Variants in PIK3C2G observed in about 807,000 individuals in gnomAD.
PIK3C2G encodes phosphatidylinositol-4-phosphate 3-kinase catalytic subunit type 2 gamma.
PIK3C2G carries 168 observed loss-of-function variants against 181.1 expected under a neutral mutation model. The observed-to-expected ratio is 0.93, with a 90% confidence interval of 0.82 to 1.05. The LOEUF is 1.05. Ranked by LOEUF, PIK3C2G falls within the 50% of genes least tolerant of loss-of-function variation. PIK3C2G has a pLI of 0.00. For missense variants in PIK3C2G, 1,869 were observed against 1,732.8 expected (o/e 1.08, Z -1.40); for synonymous variants, 573 against 592.2 (o/e 0.97, Z 0.47).
intron 18 of PIK3C2G, chr12:18,425,090 G>C (rs186419204): frequency 5.7e-4 from 112 of 195,080 alleles, no homozygotes; most frequent in African/African-American, 2.6e-3. Context: ...AGGAGAAAGA[G>C]AGAGTAGAGT....
At chr12:18,664,137 G>A in the PIK3C2G span, among the ~76,000 whole-genome samples, 1 of 152,184 alleles carries the variant, frequency 6.6e-6, no homozygotes, top group South Asian at 2.1e-4. Context: ...CGAGGGTCAG[G>A]ATGTGGAAGA....
the PIK3C2G span, among the ~76,000 whole-genome samples, chr12:18,694,306 C>T: frequency 6.6e-5 from 10 of 152,034 alleles, no homozygotes; most frequent in African/African-American, 1.9e-4. Flanking sequence ...CAATAAAGCG[C>T]GCTCTTTCAC....
At chr12:18,573,738 G>T (rs1316197025) in intron 29 of PIK3C2G, among the ~76,000 whole-genome samples, 1 of 152,086 alleles carries the variant, frequency 6.6e-6, no homozygotes, top group Non-Finnish European at 1.5e-5. Context: ...AGCTACCCCT[G>T]GTTTTAAGAG....
chr12:18,458,936 A>C (rs1352737120), intron 18 of PIK3C2G, among the ~76,000 whole-genome samples: 1 of 151,838 alleles, frequency 6.6e-6, no homozygotes. Flanking sequence ...CCATCTCAAC[A>C]AGCATAGAAG....
At chr12:18,691,523 C>T in the PIK3C2G span, among the ~76,000 whole-genome samples, 1 of 151,888 alleles carries the variant, frequency 6.6e-6, no homozygotes, top group African/African-American at 2.4e-5. Context: ...TAAGGGAAGG[C>T]AGAGAAAGAG....
At chr12:18,637,171 T>A (rs1214665330) in intron 31 of PIK3C2G, among the ~76,000 whole-genome samples, 6 of 152,238 alleles carry the variant, frequency 3.9e-5, no homozygotes, top group African/African-American at 1.4e-4. Context: ...GATTATATCC[T>A]TTCCCCTAGT....
chr12:18,247,770 T>C (rs898582262), exon 1 of PIK3C2G: 1 of 152,226 alleles, frequency 6.6e-6, no homozygotes, highest in Non-Finnish European at 1.5e-5. Context: ...TGTCTAGTCC[T>C]TAGTTCCTGC....
chr12:18,696,988 GT>G, the PIK3C2G span, among the ~76,000 whole-genome samples: 1 of 152,074 alleles, frequency 6.6e-6, no homozygotes, highest in Non-Finnish European at 1.5e-5. Flanking sequence ...CATATTCTTT[GT>G]GTTTCTTCTT....
At chr12:18,549,557 G>A (rs1242573124) in intron 26 of PIK3C2G, among the ~76,000 whole-genome samples, 1 of 152,086 alleles carries the variant, frequency 6.6e-6, no homozygotes, top group East Asian at 1.9e-4. Flanking sequence ...ACCAGAGAAC[G>A]TTCTCTATGC....
Position 18,605,470 on chromosome 12 carries a change from C to A in PIK3C2G, c.4088-4065C>A, listed in dbSNP as rs976984528. On this transcript the variant is annotated intron_variant, in intron 30 of 32. Coordinates refer to ENST00000538779, the MANE Select transcript of PIK3C2G (RefSeq NM_001288772.2). The stretch of plus-strand genomic sequence containing the variant: ...TCAGACGTTCAAAGAAGAATTGGTA[C>A]CAATCCTTTTGACACTATTCCACAA... 2.0e-5 allele frequency among the ~76,000 whole-genome samples: 3 copies of A among 152,094 alleles called. 1 individual carries two copies. Among genetic ancestry groups the A allele is most frequent in the South Asian group, 2.1e-4 (1 of 4,826 alleles).
chr12:18,505,059 C>T (rs570977072), intron 23 of PIK3C2G, among the ~76,000 whole-genome samples: 16 of 152,116 alleles, frequency 1.1e-4, no homozygotes, highest in South Asian at 6.2e-4. Context: ...AAATATTTTC[C>T]GCAGTTTCAG....
At position 18,362,746 on chromosome 12, in the gene PIK3C2G, G is replaced by C; in HGVS notation, c.1626-18G>C. ...TTTAAAGTGCTAAGCATATTGAATTGATGTTGTTTCATTTTAGCTACAAAG... is the reference window on the plus strand; with the variant it reads ...TTTAAAGTGCTAAGCATATTGAATTCATGTTGTTTCATTTTAGCTACAAAG... On this transcript the variant is annotated intron_variant, in intron 11 of 32. Coordinates refer to ENST00000538779, the MANE Select transcript of PIK3C2G (RefSeq NM_001288772.2). 6.7e-7 allele frequency: 1 copy of C among 1,496,202 alleles called. No homozygotes were observed. The highest frequency in any genetic ancestry group is 8.8e-7 in the Non-Finnish European group (1 of 1,132,112). 92.7% of individuals were successfully genotyped at this position (1,496,202 alleles called of 1,614,324 possible).
At chr12:18,678,729 T>C in the PIK3C2G span, among the ~76,000 whole-genome samples, 10 of 152,092 alleles carry the variant, frequency 6.6e-5, no homozygotes, top group African/African-American at 2.4e-4. Flanking sequence ...ACATCATTTG[T>C]TGTCTATTCA....
At chr12:18,657,035 A>G in the PIK3C2G span, among the ~76,000 whole-genome samples, 87 of 152,056 alleles carry the variant, frequency 5.7e-4, 1 homozygote, top group Admixed American at 3.6e-3. Context: ...ACCACAAAGA[A>G]TTGTGGTTGT....
chr12:18,655,020 C>G, the PIK3C2G span, among the ~76,000 whole-genome samples: 1 of 150,170 alleles, frequency 6.7e-6, no homozygotes, highest in South Asian at 2.1e-4. Flanking sequence ...ATAAACCCAG[C>G]CGAAACAGTC....
At chr12:18,723,505 T>C in the PIK3C2G span, 2 of 1,612,748 alleles carry the variant, frequency 1.2e-6, no homozygotes, top group Non-Finnish European at 1.7e-6. Context: ...TCTAAATTCT[T>C]CTATGGTGAT....
At chr12:18,383,174 T>C (rs1053611684) in intron 14 of PIK3C2G, among the ~76,000 whole-genome samples, 3 of 152,128 alleles carry the variant, frequency 2.0e-5, no homozygotes, top group Admixed American at 6.5e-5. Context: ...TGAAGAAAAA[T>C]AGCAAAATGC....
At chr12:18,455,226 C>T (rs1028358323) in intron 18 of PIK3C2G, among the ~76,000 whole-genome samples, 3 of 152,006 alleles carry the variant, frequency 2.0e-5, no homozygotes, top group African/African-American at 7.2e-5. Flanking sequence ...AGGAAGAAAT[C>T]GCTAGGTCCA....
At chr12:18,278,827 TA>T (rs762324751) in intron 1 of PIK3C2G, among the ~76,000 whole-genome samples, 21 of 152,128 alleles carry the variant, frequency 1.4e-4, no homozygotes, top group Non-Finnish European at 1.3e-4. Flanking sequence ...AATATGATGG[TA>T]AAAAGACTGA....
Sources: gnomAD v4.1 joint callset for allele counts (sites outside exome capture counted in the v4.1 genomes callset) on GRCh38, gnomAD v4.1.1 for gene constraint, MANE v1.5 for transcripts, NCBI Gene and HGNC (gene_info 2026-07-23, HGNC 2026-07-21) for gene names.